XPO7: variants seen among roughly 807,000 people sequenced by gnomAD.
The protein encoded by XPO7 is exportin-7.
A neutral mutation model predicts 144.3 loss-of-function variants in XPO7; 21 were observed. The ratio of observed to expected loss-of-function variants is 0.15; its 90% CI spans 0.10 to 0.21. XPO7 has a LOEUF of 0.21. Ranked by LOEUF, XPO7 falls within the 10% of genes least tolerant of loss-of-function variation. XPO7 has a pLI of 1.00. For synonymous variants in XPO7, 580 were observed against 499.6 expected (o/e 1.16, Z -2.15); for missense variants, 808 against 1,325.8 (o/e 0.61, Z 6.06).
intron 18 of XPO7, among the ~76,000 whole-genome samples, 186 bp downstream of exon 18, chr8:21,991,105 G>A (rs1454473561): frequency 1.3e-5 from 2 of 152,198 alleles, no homozygotes; most frequent in African/African-American, 4.8e-5. Context: ...AACTGGAAGA[G>A]AGTAACAGTC....
At chr8:22,003,775 A>G (rs184907817) in intron 26 of XPO7, 128 bp from the exon 27 acceptor site, 2 of 1,384,096 alleles carry the variant, frequency 1.4e-6, no homozygotes, top group East Asian at 4.9e-5. Context: ...TTTCTTTTTT[A>G]AGGGTCCAAT....
At chr8:21,925,082 C>T (rs186381112) in intron 1 of XPO7, among the ~76,000 whole-genome samples, 1 of 152,288 alleles carries the variant, frequency 6.6e-6, no homozygotes, top group East Asian at 1.9e-4. Context: ...GCAGTCACTA[C>T]CCCGTTATCT....
intron 5 of XPO7, among the ~76,000 whole-genome samples, chr8:21,972,784 A>G (rs17060685): frequency 0.21 from 32,022 of 152,188 alleles, 4,970 homozygotes; most frequent in African/African-American, 0.44. Context: ...TACTGTTGCT[A>G]TTGCTCATAA....
intron 1 of XPO7, among the ~76,000 whole-genome samples, chr8:21,956,267 T>C (rs932882982): frequency 1.3e-5 from 2 of 152,202 alleles, no homozygotes; most frequent in African/African-American, 4.8e-5. Flanking sequence ...GTGTTCCTTT[T>C]GTGATGTCCA....
chr8:21,995,003 G>A (rs992248303), intron 20 of XPO7, among the ~76,000 whole-genome samples: 7 of 151,956 alleles, frequency 4.6e-5, no homozygotes, highest in Admixed American at 2.6e-4. Flanking sequence ...GCAGTGAGCC[G>A]AGATCGCGCC....
At position 21,992,087 on chromosome 8, in the gene XPO7, G is replaced by T. The variant is rs766381868; in HGVS notation, c.2148+113G>T. 5 of 677,458 alleles carry T rather than the reference G, an allele frequency of 7.4e-6. No individual in the cohort carries two copies. The Middle Eastern group carries it at 1.3e-3, about 172-fold the overall frequency. 42.0% of individuals were successfully genotyped at this position (677,458 alleles called of 1,614,324 possible). On this transcript the variant is annotated intron_variant, in intron 19 of 27. Transcript: ENST00000252512. The stretch of plus-strand genomic sequence containing the variant: ...CTGCCATAGCTTTTTTTAATGTCTT[G>T]GACTTCTAGGGTTTTGGAATTGCAG...
At chr8:21,966,541 T>G (rs929328484) in intron 1 of XPO7, among the ~76,000 whole-genome samples, 23 of 152,190 alleles carry the variant, frequency 1.5e-4, no homozygotes, top group African/African-American at 5.6e-4. Context: ...TTTTGAATTT[T>G]TATTTCAAAG....
chr8:21,964,626 T>C (rs536280087), intron 1 of XPO7, among the ~76,000 whole-genome samples: 13 of 150,294 alleles, frequency 8.6e-5, no homozygotes, highest in Non-Finnish European at 1.6e-4. Context: ...AAAAAAAAAA[T>C]GGAGCTGTCG....
At chr8:22,002,337 CAG>C (rs1419328501) in intron 25 of XPO7, 65 bp downstream of exon 25, 212 of 1,544,742 alleles carry the variant, frequency 1.4e-4, no homozygotes, top group Middle Eastern at 5.5e-4. Flanking sequence ...CTCTGCAAGA[CAG>C]GGGAGCCCAC....
At chr8:21,998,216 C>T (rs952500626) in intron 21 of XPO7, among the ~76,000 whole-genome samples, 7 of 152,008 alleles carry the variant, frequency 4.6e-5, no homozygotes, top group Non-Finnish European at 7.4e-5. Flanking sequence ...CTGAGGCGGG[C>T]GGATCACGAG....
intron 8 of XPO7, among the ~76,000 whole-genome samples, chr8:21,978,540 T>G (rs930419650): frequency 2.6e-5 from 4 of 152,174 alleles, no homozygotes; most frequent in African/African-American, 9.7e-5. Context: ...GAAACATGAT[T>G]TCAGTGTTGT....
At chr8:21,920,062 G>A (rs1420131454) in intron 1 of XPO7, among the ~76,000 whole-genome samples, 1 of 151,616 alleles carries the variant, frequency 6.6e-6, no homozygotes, top group Non-Finnish European at 1.5e-5. Flanking sequence ...AGCCCACAAC[G>A]TTCGTCAGTC....
intron 11 of XPO7, among the ~76,000 whole-genome samples, 188 bp from the exon 12 acceptor site, chr8:21,984,458 C>G (rs1812510754): frequency 6.6e-6 from 1 of 152,182 alleles, no homozygotes; most frequent in African/African-American, 2.4e-5. Context: ...CTAAGGGAGA[C>G]TGATGCTAGG....
chr8:21,995,289 A>G lies in XPO7; in HGVS notation c.2238-203A>G, dbSNP rs140377406. Among the ~76,000 whole-genome samples the G allele has an allele frequency of 2.2e-3, 333 of 152,326 alleles. 2 individuals carry two copies. The highest frequency in any genetic ancestry group is 7.3e-3 in the African/African-American group (302 of 41,574). On this transcript the variant is annotated intron_variant, in intron 20 of 27. Coordinates refer to ENST00000252512, the MANE Select transcript of XPO7 (RefSeq NM_015024.5). ...AAAGGCCCTATGTAAACTAAAATGT[A>G]TTATGAGATGCCTTTCACAGGTTAA...
rs1478215718 is a variant in XPO7, at chr8:21,981,781, A to T, written c.1008A>T (p.Arg336=). 6.2e-7 allele frequency: 1 copy of T among 1,613,858 alleles called. No individual in the cohort carries two copies. Among genetic ancestry groups the T allele is most frequent in the Admixed American group, 1.7e-5 (1 of 59,998 alleles). ...ATGAGTTTTGCAGACTACTGGCCCGATTGAAGAGTAACTATCAACTGGGAG... is the reference window on the plus strand; with the variant it reads ...ATGAGTTTTGCAGACTACTGGCCCGTTTGAAGAGTAACTATCAACTGGGAG... ...NYHEFCRLLA[R]LKSNYQLGEL... The change falls in exon 10 of 28, where the codon CGA becomes CGT. Residue 336 remains arginine, a synonymous_variant. Coordinates refer to ENST00000252512, the MANE Select transcript of XPO7 (RefSeq NM_015024.5).
intron 1 of XPO7, among the ~76,000 whole-genome samples, chr8:21,963,342 C>G (rs901429737): frequency 4.9e-4 from 74 of 152,242 alleles, no homozygotes; most frequent in African/African-American, 1.7e-3. Flanking sequence ...TTCCTAAAAG[C>G]AAGAATCGTA....
At chr8:21,985,798 C>A in intron 13 of XPO7, 107 bp downstream of exon 13, 1 of 898,762 alleles carries the variant, frequency 1.1e-6, no homozygotes, top group South Asian at 1.4e-5. Flanking sequence ...GCTAACTGCC[C>A]ATGAGACACA....
chr8:21,939,414 T>C (rs1810921550), intron 1 of XPO7, among the ~76,000 whole-genome samples: 1 of 151,796 alleles, frequency 6.6e-6, no homozygotes, highest in Admixed American at 6.6e-5. Flanking sequence ...GAGACGGGAG[T>C]TTCTCCATGT....
chr8:21,938,139 G>A (rs1810880189), intron 1 of XPO7, among the ~76,000 whole-genome samples: 1 of 152,054 alleles, frequency 6.6e-6, no homozygotes, highest in Non-Finnish European at 1.5e-5. Context: ...TTGTCTTCTT[G>A]TGCAACTATA....
Sources: allele counts gnomAD v4.1 joint callset (sites outside exome capture counted in the v4.1 genomes callset), GRCh38; gene constraint gnomAD v4.1.1; transcripts MANE v1.5; gene names NCBI Gene and HGNC (gene_info 2026-07-23, HGNC 2026-07-21).